The following ZBTB38 variants were observed in gnomAD, a reference collection of about 807,000 sequenced individuals.
The protein encoded by ZBTB38 is zinc finger and BTB domain-containing protein 38.
In ZBTB38, 20 loss-of-function variants were observed where a neutral mutation model predicts 76.8. The ratio of observed to expected loss-of-function variants is 0.26; its 90% CI spans 0.18 to 0.38. The LOEUF (loss-of-function observed/expected upper bound fraction) is 0.38. Ranked by LOEUF, ZBTB38 falls within the 10% of genes least tolerant of loss-of-function variation. The probability of loss-of-function intolerance (pLI) is 1.00; values close to 1 mark genes in which losing one functional copy is unlikely to be tolerated. For synonymous variants in ZBTB38, 504 were observed against 544.2 expected (o/e 0.93, Z 1.03); for missense variants, 1,082 against 1,482.3 (o/e 0.73, Z 4.43).
chr3:141,340,967 A>AAAG (rs753110555), intron 1 of ZBTB38, among the ~76,000 whole-genome samples: 62 of 99,418 alleles, frequency 6.2e-4, no homozygotes, highest in South Asian at 8.7e-4. Flanking sequence ...AGAAAGAAAG[A>AAAG]AAGAAAGAAA....
rs117366097 is a variant in ZBTB38 at position 141,414,107 on chromosome 3, G to A, written c.-1+10076G>A. Among the ~76,000 whole-genome samples, 115 of 152,250 alleles carry A rather than the reference G, an allele frequency of 7.6e-4. No individual in the cohort carries two copies. In the East Asian group the frequency reaches 0.011, roughly 15 times the overall value. The stretch of plus-strand genomic sequence containing the variant: ...AAACCTACATGTGATTTATACTTAC[G>A]TTTTTATAGACTAAGATCTAAAACT... On this transcript the variant is annotated intron_variant, in intron 5 of 5. Coordinates refer to ENST00000321464, the MANE Select transcript of ZBTB38 (RefSeq NM_001376113.1).
chr3:141,431,318 C>A (rs1186665018), intron 5 of ZBTB38, among the ~76,000 whole-genome samples: 4 of 86,454 alleles, frequency 4.6e-5, no homozygotes, highest in Admixed American at 4.5e-4. Context: ...AGCGAGACTT[C>A]GTCTCAAAAA....
rs1383753092 is a variant in ZBTB38 at position 141,445,847 on chromosome 3, TCAG to T, written c.3463_3465del (p.Gln1155del). 6.2e-7 allele frequency: 1 copy of T among 1,613,848 alleles called. No homozygotes were observed. The highest frequency in any genetic ancestry group is 1.7e-5 in the Admixed American group (1 of 60,002). ...AGAAACACTTATTCAAAAGCCCAAGTCAGCAGGAGAAAATAGGTGACGTGTGCC... is the reference window on the plus strand; with the variant it reads ...AGAAACACTTATTCAAAAGCCCAAGTCAGGAGAAAATAGGTGACGTGTGCC... On this transcript the variant is annotated inframe_deletion, in exon 6 of 6. Transcript: ENST00000321464. This position sits in a 1 kb window ranked among gnomAD's most constrained non-coding sequence, Gnocchi z 6.5.
chr3:141,403,001 C>T (rs1342073127), intron 4 of ZBTB38: 1 of 152,246 alleles, frequency 6.6e-6, no homozygotes, highest in Non-Finnish European at 1.5e-5. Context: ...CAGTCTCAGC[C>T]GCCTACTTCT....
rs779662734 is a variant in ZBTB38 at position 141,445,954 on chromosome 3, G to C, written c.3566G>C (p.Gly1189Ala). Residue 1189 changes from glycine to alanine, a missense_variant, in exon 6 of 6, where the codon GGT (glycine) becomes GCT (alanine). Transcript: ENST00000321464. The surrounding 1 kb of genome is among the most constrained non-coding windows in gnomAD (Gnocchi z 6.5). The stretch of plus-strand genomic sequence containing the variant: ...GACCAAAAGGATAACATACAAACCG[G>C]TGTGGAAAATGTTGTCCTTTGAGTG... ...DNDQKDNIQTGVENVVL is the reference protein window; with the variant it reads ...DNDQKDNIQTAVENVVL 8 of 1,587,920 alleles carry C rather than the reference G, an allele frequency of 5.0e-6. No homozygotes were observed. Among genetic ancestry groups the C allele is most frequent in the Non-Finnish European group, 6.8e-6 (8 of 1,171,434 alleles).
At chr3:141,425,739 C>T (rs1265908072) in intron 5 of ZBTB38, among the ~76,000 whole-genome samples, 2 of 152,264 alleles carry the variant, frequency 1.3e-5, no homozygotes, top group African/African-American at 4.8e-5. Context: ...CTAAATGAAA[C>T]CAAGAAAAAC....
intron 1 of ZBTB38, among the ~76,000 whole-genome samples, chr3:141,325,004 C>T (rs566540243): frequency 2.8e-4 from 43 of 152,324 alleles, no homozygotes; most frequent in South Asian, 4.1e-4. Flanking sequence ...GTAACATTAA[C>T]AGCCGTTTGT....
rs568012174 is a variant in ZBTB38, at chr3:141,341,939, A to T, written c.-739+17483A>T. On this transcript the variant is annotated intron_variant, in intron 1 of 7. Coordinates refer to the ZBTB38 transcript ENST00000509842. ...TGTGTAGGAAGATGTTCACTTTTTTAAAAAAAAGCATACTGAATTATTTCA... is the reference window on the plus strand; with the variant it reads ...TGTGTAGGAAGATGTTCACTTTTTTTAAAAAAAGCATACTGAATTATTTCA... Among the ~76,000 whole-genome samples, 10 of 108,198 alleles carry T rather than the reference A, an allele frequency of 9.2e-5. No individual in the cohort carries two copies. The East Asian group carries it at 1.1e-3, about 12-fold the overall frequency. The allele number at this position is 108,198 out of a possible 152,430, so 71.0% of individuals were successfully genotyped here.
chr3:141,390,960 G>A (rs907823322), intron 4 of ZBTB38, among the ~76,000 whole-genome samples: 5 of 152,138 alleles, frequency 3.3e-5, no homozygotes, highest in Non-Finnish European at 7.4e-5. Context: ...TTTGAGACCA[G>A]CCTGGGCAAC....
At chr3:141,394,753 C>T (rs1311576218) in intron 4 of ZBTB38, among the ~76,000 whole-genome samples, 1 of 152,170 alleles carries the variant, frequency 6.6e-6, no homozygotes, top group African/African-American at 2.4e-5. Flanking sequence ...GGCTGGCATA[C>T]CAGCATTTAG....
At position 141,443,721 on chromosome 3, in the gene ZBTB38, C is replaced by T; in HGVS notation, c.1333C>T (p.Pro445Ser). 6.2e-7 allele frequency: 1 copy of T among 1,613,996 alleles called. No homozygotes were observed. The highest frequency in any genetic ancestry group is 8.5e-7 in the Non-Finnish European group (1 of 1,180,042). ...GEFSSTGSTL[P>S]DTDHMVKFVN... ...ATTTTCCAGTACCGGAAGTACTTTG[C>T]CAGACACGGACCACATGGTTAAATT... The change falls in exon 6 of 6, where the codon CCA (proline) becomes TCA (serine). Residue 445 changes from proline to serine, a missense_variant. Around this residue, in one of 8 missense-constraint regions of ZBTB38, gnomAD observed 324 missense variants for 359.1 expected, o/e 0.90. Coordinates refer to ENST00000321464, the MANE Select transcript of ZBTB38 (RefSeq NM_001376113.1). This position sits in a 1 kb window ranked among gnomAD's most constrained non-coding sequence, Gnocchi z 5.6.
chr3:141,432,282 G>A, intron 5 of ZBTB38: 1 of 985,206 alleles, frequency 1.0e-6, no homozygotes, highest in Middle Eastern at 5.2e-4. Flanking sequence ...TTTTAGTTAG[G>A]TTTTATTTCT....
At chr3:141,424,973 G>T (rs986761680) in intron 5 of ZBTB38, among the ~76,000 whole-genome samples, 1 of 152,148 alleles carries the variant, frequency 6.6e-6, no homozygotes, top group African/African-American at 2.4e-5. Flanking sequence ...CACTTTAAAG[G>T]TACCACTTAG....
At chr3:141,342,904 A>G (rs1943240522) in intron 1 of ZBTB38, among the ~76,000 whole-genome samples, 1 of 151,938 alleles carries the variant, frequency 6.6e-6, no homozygotes, top group South Asian at 2.1e-4. Context: ...CTTTTAAGCT[A>G]GGGGTGGAAG....
In ZBTB38 at chr3:141,371,056, T is replaced by C. The variant is rs547498460; in HGVS notation, c.-235+1110T>C. Reference sequence around the variant, plus strand: ...TCTTTTCTTTCTTTCTTTTTTTTTTTTTTTTTTTTTTTTTTGAGGCAGAGT... The same window carrying C: ...TCTTTTCTTTCTTTCTTTTTTTTTTCTTTTTTTTTTTTTTTGAGGCAGAGT... On this transcript the variant is annotated intron_variant, in intron 2 of 5. Coordinates refer to ENST00000321464, the MANE Select transcript of ZBTB38 (RefSeq NM_001376113.1). 3.9e-5 allele frequency among the ~76,000 whole-genome samples: 5 copies of C among 126,598 alleles called. No homozygotes were observed. In the South Asian group the frequency reaches 1.3e-3, roughly 33 times the overall value. 83.1% of individuals were successfully genotyped at this position (126,598 alleles called of 152,430 possible). A position where few individuals can be genotyped will look rare whatever the true frequency, so the allele number is the denominator to read the frequency against.
intron 3 of ZBTB38, among the ~76,000 whole-genome samples, chr3:141,384,133 T>C (rs1946598201): frequency 1.3e-5 from 2 of 152,250 alleles, no homozygotes; most frequent in South Asian, 4.1e-4. Context: ...GTTTACTGAT[T>C]GAGTGTCTTG....
chr3:141,373,948 C>T (rs1944988941), intron 2 of ZBTB38, among the ~76,000 whole-genome samples: 3 of 152,016 alleles, frequency 2.0e-5, no homozygotes, highest in Admixed American at 6.6e-5. Context: ...CAGCCAAAAT[C>T]GTGAAGCCCT....
At chr3:141,381,852 T>C (rs1946241604) in intron 3 of ZBTB38, among the ~76,000 whole-genome samples, 1 of 152,044 alleles carries the variant, frequency 6.6e-6, no homozygotes, top group Admixed American at 6.5e-5. Flanking sequence ...ATCACAAACT[T>C]TTAGAACTGG....
intron 5 of ZBTB38, among the ~76,000 whole-genome samples, chr3:141,419,991 A>G (rs9869102): frequency 0.18 from 27,158 of 152,080 alleles, 3,793 homozygotes; most frequent in African/African-American, 0.39. Context: ...CCGTCTCAAA[A>G]AAAAGTGATT....
Sources: gnomAD v4.1 joint callset for allele counts (sites outside exome capture counted in the v4.1 genomes callset) on GRCh38, gnomAD v4.1.1 for gene constraint, gnomAD v4.1.1 regional missense constraint, Gnocchi (gnomAD v3.1) non-coding constraint, MANE v1.5 for transcripts, NCBI Gene and HGNC (gene_info 2026-07-23, HGNC 2026-07-21) for gene names.